ADGRL3: variants seen among roughly 807,000 people sequenced by gnomAD.
ADGRL3 encodes adhesion G protein-coupled receptor L3.
In ADGRL3, 62 loss-of-function variants were observed where a neutral mutation model predicts 153.5. That is an observed-to-expected ratio of 0.40 (90% CI 0.33 to 0.50). The LOEUF (loss-of-function observed/expected upper bound fraction) is 0.50, where lower values mean the gene tolerates loss of function less well. Among genes scored for constraint, ADGRL3 ranks in the 20% least tolerant of loss-of-function variants. The pLI is 0.47. For missense variants in ADGRL3, 1,641 were observed against 1,859.4 expected, an observed-to-expected ratio of 0.88 and a Z score of 2.16; for synonymous variants, 710 against 672.5, an observed-to-expected ratio of 1.06 and a Z score of -0.86.
At chr4:61,834,693 T>C (rs1370386477) in intron 9 of ADGRL3, among the ~76,000 whole-genome samples, 1 of 152,166 alleles carries the variant, frequency 6.6e-6, no homozygotes, top group Non-Finnish European at 1.5e-5. Context: ...GAAACCACTT[T>C]GTACCTGGCT....
At chr4:61,424,999 C>A (rs2124795) in intron 2 of ADGRL3, among the ~76,000 whole-genome samples, 141,727 of 152,130 alleles carry the variant, frequency 0.93, 66,851 homozygotes, top group East Asian at 1. Flanking sequence ...TTCACTGGTG[C>A]ATATGGCCAT....
intron 1 of ADGRL3, among the ~76,000 whole-genome samples, chr4:61,367,042 A>G (rs983378789): frequency 2.0e-5 from 3 of 152,182 alleles, no homozygotes; most frequent in Non-Finnish European, 2.9e-5. Context: ...CTAAATATAT[A>G]AAAGTTTGCC....
At chr4:61,765,093 G>T (rs373464951) in intron 8 of ADGRL3, among the ~76,000 whole-genome samples, 25 of 152,214 alleles carry the variant, frequency 1.6e-4, no homozygotes, top group African/African-American at 5.8e-4. Context: ...CAAAGATTAT[G>T]TATTTACTTC....
intron 1 of ADGRL3, among the ~76,000 whole-genome samples, chr4:61,279,256 A>T (rs1353889993): frequency 6.6e-6 from 1 of 152,168 alleles, no homozygotes; most frequent in Non-Finnish European, 1.5e-5. Flanking sequence ...GTAAACTGCT[A>T]TATCAAAATT....
chr4:62,056,608 T>A (rs1028333420), intron 25 of ADGRL3, among the ~76,000 whole-genome samples: 8 of 152,102 alleles, frequency 5.3e-5, no homozygotes, highest in South Asian at 2.1e-4. Flanking sequence ...TTAGAAAGAC[T>A]GTTTTTACTT....
intron 5 of ADGRL3, among the ~76,000 whole-genome samples, chr4:61,591,478 A>C (rs2098968923): frequency 6.6e-6 from 1 of 152,152 alleles, no homozygotes. Flanking sequence ...TTAAAGCTAA[A>C]AAATGAGTAT....
At chr4:61,883,915 T>C (rs1444500896) in intron 9 of ADGRL3, among the ~76,000 whole-genome samples, 1 of 152,186 alleles carries the variant, frequency 6.6e-6, no homozygotes, top group African/African-American at 2.4e-5. Flanking sequence ...AATTACACAA[T>C]GTGTAATGCA....
At position 61,456,193 on chromosome 4, in the gene ADGRL3, G is replaced by A. The variant is rs2097734122; in HGVS notation, c.-173-40928G>A. ...CTATTACTTTAAAATGAGATGTAAA[G>A]CATCTTTGATCAATAAAAAAGAGGA... On this transcript the variant is annotated intron_variant, in intron 2 of 26. Coordinates refer to ENST00000683033, the MANE Select transcript of ADGRL3 (RefSeq NM_001387552.1). 2.6e-5 allele frequency among the ~76,000 whole-genome samples: 4 copies of A among 151,182 alleles called. No individual in the cohort carries two copies. In the South Asian group the frequency reaches 8.3e-4, roughly 31 times the overall value.
intron 17 of ADGRL3, among the ~76,000 whole-genome samples, chr4:61,956,846 T>C (rs1183439758): frequency 6.6e-6 from 1 of 152,190 alleles, no homozygotes; most frequent in African/African-American, 2.4e-5. Flanking sequence ...CTGAAGGTTG[T>C]AGATGTGTGG....
At chr4:61,378,531 G>A (rs1419354302) in intron 1 of ADGRL3, among the ~76,000 whole-genome samples, 3 of 151,986 alleles carry the variant, frequency 2.0e-5, no homozygotes, top group Non-Finnish European at 2.9e-5. Context: ...CTTCAGCACA[G>A]TGTTTAAAAC....
chr4:61,987,981 G>A (rs1338467553), intron 19 of ADGRL3, among the ~76,000 whole-genome samples: 7 of 151,754 alleles, frequency 4.6e-5, no homozygotes, highest in East Asian at 1.9e-4. Context: ...TTAATGGTAC[G>A]AGATAAAATT....
At chr4:61,248,467 A>C (rs559529534) in intron 1 of ADGRL3, among the ~76,000 whole-genome samples, 1 of 152,294 alleles carries the variant, frequency 6.6e-6, no homozygotes, top group East Asian at 1.9e-4. Context: ...GCTATTTTAT[A>C]ATCAGCTCAG....
intron 9 of ADGRL3, among the ~76,000 whole-genome samples, chr4:61,876,688 A>C (rs1197001620): frequency 1.3e-5 from 2 of 151,966 alleles, no homozygotes; most frequent in Non-Finnish European, 2.9e-5. Context: ...GAAGAAGACA[A>C]TAGTGAGTTT....
chr4:61,421,717 C>A (rs187682126), intron 2 of ADGRL3, among the ~76,000 whole-genome samples: 1 of 151,900 alleles, frequency 6.6e-6, no homozygotes, highest in Non-Finnish European at 1.5e-5. Flanking sequence ...ATATTGTGAT[C>A]GGTACCATTA....
chr4:61,546,026 C>T (rs1286662152), intron 4 of ADGRL3, among the ~76,000 whole-genome samples: 1 of 152,176 alleles, frequency 6.6e-6, no homozygotes, highest in East Asian at 1.9e-4. Flanking sequence ...AATCATCATC[C>T]TCATTCTTGT....
At chr4:62,049,789 G>A (rs1208634270) in intron 25 of ADGRL3, among the ~76,000 whole-genome samples, 1 of 152,050 alleles carries the variant, frequency 6.6e-6, no homozygotes, top group East Asian at 1.9e-4. Context: ...TCTAAGAATG[G>A]ACACCTGAGT....
intron 18 of ADGRL3, 56 bp downstream of exon 18, chr4:61,979,828 A>G: frequency 4.4e-6 from 6 of 1,368,190 alleles, no homozygotes; most frequent in Non-Finnish European, 6.2e-6. Flanking sequence ...GCTTTTCAGT[A>G]GCGCCAATAC....
chr4:61,594,228 G>A (rs1030988373), intron 5 of ADGRL3, among the ~76,000 whole-genome samples: 1 of 151,966 alleles, frequency 6.6e-6, no homozygotes, highest in Non-Finnish European at 1.5e-5. Context: ...GAATTTCTTT[G>A]TGTTTCCTCA....
Position 61,758,950 on chromosome 4 carries a change from G to A in ADGRL3, c.1399+25396G>A, listed in dbSNP as rs6834725. Among the ~76,000 whole-genome samples, 801 of 152,220 alleles carry A rather than the reference G, an allele frequency of 5.3e-3. 9 individuals carry two copies. Among genetic ancestry groups the A allele is most frequent in the African/African-American group, 0.018 (735 of 41,512 alleles). ...TCCTTCACTTATGAAGCTTAGTTTG[G>A]CTGGATATGAAATTCTGGGTTGAAA... On this transcript the variant is annotated intron_variant, in intron 8 of 26. Coordinates refer to ENST00000683033, the MANE Select transcript of ADGRL3 (RefSeq NM_001387552.1).
Sources: allele counts gnomAD v4.1 joint callset (sites outside exome capture counted in the v4.1 genomes callset), GRCh38; gene constraint gnomAD v4.1.1; transcripts MANE v1.5; gene names NCBI Gene and HGNC (gene_info 2026-07-23, HGNC 2026-07-21).